Variants in NPHP1 observed in about 807,000 individuals in gnomAD.
NPHP1 encodes the protein nephrocystin 1.
A neutral mutation model predicts 90.4 loss-of-function variants in NPHP1; 70 were observed. That is an observed-to-expected ratio of 0.77 (90% CI 0.64 to 0.95). NPHP1 has a LOEUF of 0.95. NPHP1 is among the 40% of genes least tolerant of loss of function. The pLI, the probability that NPHP1 is intolerant of heterozygous loss-of-function variation, is 0.00. For synonymous variants in NPHP1, 256 were observed against 271.7 expected (o/e 0.94, Z 0.57); for missense variants, 764 against 795.9 (o/e 0.96, Z 0.48).
chr2:110,193,897 C>T (rs546100303), intron 2 of NPHP1, among the ~76,000 whole-genome samples: 3 of 152,148 alleles, frequency 2.0e-5, no homozygotes, highest in Admixed American at 6.5e-5. Context: ...CAACCTGCTC[C>T]GGAATGACTA....
At chr2:110,204,826 G>T in intron 1 of NPHP1, 74 bp downstream of exon 1, 1 of 1,497,674 alleles carries the variant, frequency 6.7e-7, no homozygotes. Context: ...TGGGGTCACG[G>T]TGGGAAGGCG....
intron 16 of NPHP1, among the ~76,000 whole-genome samples, chr2:110,139,185 A>G (rs531432670): frequency 6.8e-6 from 1 of 146,512 alleles, no homozygotes; most frequent in East Asian, 2.1e-4. Context: ...AAAAAAGGAT[A>G]ATGAATTTAT....
intron 16 of NPHP1, among the ~76,000 whole-genome samples, chr2:110,134,507 T>A (rs1232334238): frequency 3.0e-5 from 4 of 131,702 alleles, no homozygotes; most frequent in Non-Finnish European, 6.5e-5. Flanking sequence ...ATTACCCTAG[T>A]AAAAAAGCCA....
At position 110,179,662 on chromosome 2, in the gene NPHP1, T is replaced by A; in HGVS notation, c.166A>T (p.Ile56Leu). Residue 56 changes from isoleucine (I) to leucine (L), a missense_variant, in exon 3 of 20, where the codon ATA becomes TTA. By Grantham distance (5) the Ile-to-Leu change is conservative. Transcript: ENST00000445609. ...YQRCIQLKQAIDENKNALQKL... is the reference protein window; with the variant it reads ...YQRCIQLKQALDENKNALQKL... ...TGAAGAGCATTTTTATTTTCATCTA[T>A]TGCCTGCTTTAACTGGATACATCTA... The A allele has an allele frequency of 7.2e-7, 1 of 1,384,596 alleles. No homozygotes were observed. The highest frequency in any genetic ancestry group is 1.0e-6 in the Non-Finnish European group (1 of 976,822). The allele number at this position is 1,384,596 out of a possible 1,614,324, so 85.8% of individuals were successfully genotyped here. A position where few individuals can be genotyped will look rare whatever the true frequency, so the allele number is the denominator to read the frequency against.
chr2:110,143,707 C>T (rs1680813868), intron 15 of NPHP1, 66 bp from the exon 16 acceptor site: 1 of 1,110,318 alleles, frequency 9.0e-7, no homozygotes. Context: ...TATAATAAAA[C>T]AAGTATTTCA....
chr2:110,154,393 A>C (rs1277300515), intron 11 of NPHP1, among the ~76,000 whole-genome samples: 1 of 152,172 alleles, frequency 6.6e-6, no homozygotes, highest in African/African-American at 2.4e-5. Context: ...TGGGACCAGG[A>C]GTAGGGTGTT....
At chr2:110,195,374 A>G (rs1226852815) in intron 2 of NPHP1, among the ~76,000 whole-genome samples, 3 of 152,152 alleles carry the variant, frequency 2.0e-5, no homozygotes, top group African/African-American at 7.2e-5. Flanking sequence ...ACAGACAGAG[A>G]GCCAAATCAT....
intron 16 of NPHP1, among the ~76,000 whole-genome samples, chr2:110,142,447 TCCTCAAG>T (rs1680716857): frequency 4.0e-5 from 3 of 75,130 alleles, no homozygotes; most frequent in Admixed American, 1.6e-4. Context: ...GCTCAAGCAA[TCCTCAAG>T]CAATCCTCCC....
At position 110,163,148 on chromosome 2, in the gene NPHP1, A is replaced by G. The variant is rs767813102; in HGVS notation, c.772-13T>C. ...CAGTGTTTATCTGCTGAAGACAGTA[A>G]CATCAAAATGGATTTGTTTTCAGTC... On this transcript the variant is annotated splice_polypyrimidine_tract_variant and intron_variant, in intron 8 of 19. Coordinates refer to ENST00000445609, the MANE Select transcript of NPHP1 (RefSeq NM_001128178.3). 6.0e-5 allele frequency: 94 copies of G among 1,571,202 alleles called. No individual in the cohort carries two copies. Among genetic ancestry groups the G allele is most frequent in the Non-Finnish European group, 7.5e-5 (86 of 1,140,826 alleles).
intron 11 of NPHP1, among the ~76,000 whole-genome samples, chr2:110,159,063 A>G (rs975151270): frequency 9.2e-5 from 14 of 152,012 alleles, no homozygotes; most frequent in African/African-American, 3.4e-4. Context: ...GCAAATTATA[A>G]TGATTGATTT....
At chr2:110,181,356 T>C (rs531453000) in intron 2 of NPHP1, among the ~76,000 whole-genome samples, 1 of 152,116 alleles carries the variant, frequency 6.6e-6, no homozygotes, top group Non-Finnish European at 1.5e-5. Context: ...CCAAAAGGGG[T>C]TTCCAGCCAC....
intron 16 of NPHP1, among the ~76,000 whole-genome samples, chr2:110,136,628 A>T (rs1404852388): frequency 6.6e-6 from 1 of 152,150 alleles, no homozygotes; most frequent in African/African-American, 2.4e-5. Context: ...GATGTGAAGG[A>T]CCTCTTCAAG....
intron 8 of NPHP1, 179 bp downstream of exon 8, chr2:110,164,509 A>T: frequency 7.9e-7 from 1 of 1,266,532 alleles, no homozygotes; most frequent in South Asian, 1.2e-5. Context: ...AAAACTAATG[A>T]GAAATGTTAC....
At chr2:110,159,761 T>C (rs979563164) in intron 11 of NPHP1, among the ~76,000 whole-genome samples, 1 of 152,052 alleles carries the variant, frequency 6.6e-6, no homozygotes, top group African/African-American at 2.4e-5. Flanking sequence ...ATTTTCTCTT[T>C]GGTCCATCTG....
chr2:110,161,518 T>C, intron 10 of NPHP1, 85 bp downstream of exon 10: 1 of 874,390 alleles, frequency 1.1e-6, no homozygotes, highest in Non-Finnish European at 1.8e-6. Flanking sequence ...TATAATTCAT[T>C]AGTCAATTAA....
chr2:110,136,744 C>T (rs540462852), intron 16 of NPHP1, among the ~76,000 whole-genome samples: 1 of 152,118 alleles, frequency 6.6e-6, no homozygotes, highest in East Asian at 1.9e-4. Context: ...AATGGCTATA[C>T]CGCCCAAGGT....
At chr2:110,137,395 G>A (rs1464044067) in intron 16 of NPHP1, among the ~76,000 whole-genome samples, 1 of 152,024 alleles carries the variant, frequency 6.6e-6, no homozygotes, top group Non-Finnish European at 1.5e-5. Context: ...GCAACCTACA[G>A]AATGGGAGAA....
chr2:110,190,480 G>T (rs1007482377), intron 2 of NPHP1, among the ~76,000 whole-genome samples: 1 of 152,168 alleles, frequency 6.6e-6, no homozygotes, highest in Non-Finnish European at 1.5e-5. Context: ...CTGGCTGGCC[G>T]CTCCAAGTGC....
intron 5 of NPHP1, among the ~76,000 whole-genome samples, chr2:110,168,960 A>C (rs1047386429): frequency 2.0e-5 from 3 of 152,196 alleles, no homozygotes; most frequent in Non-Finnish European, 2.9e-5. Flanking sequence ...TATCAATTCC[A>C]TTAAAGTTAA....
Sources: gnomAD v4.1 joint callset for allele counts (sites outside exome capture counted in the v4.1 genomes callset) on GRCh38, gnomAD v4.1.1 for gene constraint, MANE v1.5 for transcripts, NCBI Gene and HGNC (gene_info 2026-07-23, HGNC 2026-07-21) for gene names.